GPC6: variants seen among roughly 807,000 people sequenced by gnomAD.
The protein encoded by GPC6 is glypican 6, also known as glypican-6.
GPC6 carries 14 observed loss-of-function variants against 55.2 expected under a neutral mutation model. That is an observed-to-expected ratio of 0.25 (90% CI 0.17 to 0.40). The LOEUF is 0.40. GPC6 is among the 10% of genes least tolerant of loss of function. GPC6 has a pLI of 1.00. For missense variants in GPC6, 641 were observed against 708.5 expected, an observed-to-expected ratio of 0.90 and a Z score of 1.08; for synonymous variants, 278 against 259.6, an observed-to-expected ratio of 1.07 and a Z score of -0.68.
chr13:93,718,836 AG>A (rs1321588264), intron 2 of GPC6, among the ~76,000 whole-genome samples: 1 of 151,672 alleles, frequency 6.6e-6, no homozygotes, highest in African/African-American at 2.4e-5. Flanking sequence ...TTTATTAAAT[AG>A]GGAATCCTTT....
chr13:93,728,810 C>T (rs913987262), intron 2 of GPC6, among the ~76,000 whole-genome samples: 1 of 151,984 alleles, frequency 6.6e-6, no homozygotes, highest in African/African-American at 2.4e-5. Flanking sequence ...CAGGTGTATC[C>T]GCCTACCTCG....
intron 3 of GPC6, among the ~76,000 whole-genome samples, chr13:93,859,952 T>C (rs531589191): frequency 9.9e-5 from 15 of 151,818 alleles, no homozygotes; most frequent in Non-Finnish European, 1.6e-4. Flanking sequence ...TCAGCCACAA[T>C]ACTGGGACCT....
At chr13:93,985,203 G>A (rs892327170) in intron 3 of GPC6, among the ~76,000 whole-genome samples, 2 of 152,122 alleles carry the variant, frequency 1.3e-5, no homozygotes, top group Non-Finnish European at 2.9e-5. Context: ...GGGAGGCCGA[G>A]GTGACTGGAT....
intron 2 of GPC6, among the ~76,000 whole-genome samples, chr13:93,603,917 A>T (rs1452012749): frequency 6.6e-6 from 1 of 152,246 alleles, no homozygotes; most frequent in Non-Finnish European, 1.5e-5. Context: ...CCAAAGTGAT[A>T]ACAAAAATCA....
intron 3 of GPC6, among the ~76,000 whole-genome samples, chr13:93,964,007 C>G (rs1440515805): frequency 6.6e-6 from 1 of 152,172 alleles, no homozygotes; most frequent in Non-Finnish European, 1.5e-5. Context: ...ACTCACTTTG[C>G]AATCGAGATG....
intron 1 of GPC6, among the ~76,000 whole-genome samples, chr13:93,453,630 C>T (rs1489219393): frequency 5.9e-5 from 9 of 151,290 alleles, no homozygotes; most frequent in African/African-American, 1.2e-4. Context: ...TCTTCCTTTT[C>T]GTGGGTTCGC....
In GPC6 at chr13:93,290,388, T is replaced by A. The variant is rs561757543; in HGVS notation, c.160+62772T>A. Among the ~76,000 whole-genome samples the A allele has an allele frequency of 9.2e-5, 14 of 152,218 alleles. No homozygotes were observed. The East Asian group carries it at 2.7e-3, about 29-fold the overall frequency. ...AGTGATAATATGCACTATACAACTA[T>A]CCACCCTTACGTTCTTATTTTTCTT... On this transcript the variant is annotated intron_variant, in intron 1 of 8. Coordinates refer to ENST00000377047, the MANE Select transcript of GPC6 (RefSeq NM_005708.5).
chr13:93,549,322 A>T (rs970348474), intron 2 of GPC6, among the ~76,000 whole-genome samples: 3 of 152,212 alleles, frequency 2.0e-5, no homozygotes, highest in African/African-American at 7.2e-5. Flanking sequence ...TTTTGTGTTT[A>T]GTGATTAGCC....
At chr13:93,226,281 C>A (rs1875779009), upstream of GPC6, among the ~76,000 whole-genome samples, 1 of 151,976 alleles carries the variant, frequency 6.6e-6, no homozygotes, top group Non-Finnish European at 1.5e-5. Flanking sequence ...CATTAGAAAC[C>A]TAAGCATAAT....
At chr13:94,299,837 A>G (rs1242339922) in intron 5 of GPC6, among the ~76,000 whole-genome samples, 1 of 152,228 alleles carries the variant, frequency 6.6e-6, no homozygotes, top group Non-Finnish European at 1.5e-5. Context: ...CTGCACCTGG[A>G]CAAATATATG....
chr13:93,769,901 A>G (rs374975462), intron 2 of GPC6, among the ~76,000 whole-genome samples: 8 of 152,226 alleles, frequency 5.3e-5, no homozygotes, highest in African/African-American at 1.7e-4. Context: ...GACTCCAGAC[A>G]TACTGGGGCT....
chr13:93,505,037 G>A (rs1880656708), intron 1 of GPC6, among the ~76,000 whole-genome samples: 1 of 152,168 alleles, frequency 6.6e-6, no homozygotes, highest in African/African-American at 2.4e-5. Context: ...TTGTGTTGCT[G>A]TAGTTTATTT....
Position 94,404,137 on chromosome 13 carries a change from C to T in GPC6, c.*920C>T, listed in dbSNP as rs755415179. ...TTGACATTAACTAGACGTTTCTGCCCCTGTGCTCATTACCCTCCCAAAACA... is the reference window on the plus strand; with the variant it reads ...TTGACATTAACTAGACGTTTCTGCCTCTGTGCTCATTACCCTCCCAAAACA... On this transcript the variant is annotated 3_prime_UTR_variant, in exon 9 of 9. Transcript: ENST00000377047. 1 of 151,976 alleles carries T rather than the reference C, an allele frequency of 6.6e-6. No homozygotes were observed. The highest frequency in any genetic ancestry group is 1.5e-5 in the Non-Finnish European group (1 of 68,004). 9.4% of individuals were successfully genotyped at this position (151,976 alleles called of 1,614,324 possible). A position where few individuals can be genotyped will look rare whatever the true frequency, so the allele number is the denominator to read the frequency against.
chr13:93,816,759 A>G (rs551405387), intron 2 of GPC6, among the ~76,000 whole-genome samples: 3 of 152,264 alleles, frequency 2.0e-5, no homozygotes, highest in South Asian at 4.1e-4. Context: ...TCTTCAACCA[A>G]TTGTAAATCG....
chr13:93,817,595 A>G (rs1342560260), intron 2 of GPC6, among the ~76,000 whole-genome samples: 2 of 152,218 alleles, frequency 1.3e-5, no homozygotes, highest in Non-Finnish European at 2.9e-5. Flanking sequence ...GCAGTGGCTC[A>G]CGCCTGTAAT....
intron 1 of GPC6, among the ~76,000 whole-genome samples, chr13:93,253,827 G>A (rs1876865712): frequency 6.6e-6 from 1 of 151,902 alleles, no homozygotes; most frequent in African/African-American, 2.4e-5. Flanking sequence ...CTTAGGAAAT[G>A]GTATATAACT....
chr13:94,046,758 A>G (rs1240941001), intron 4 of GPC6, among the ~76,000 whole-genome samples: 1 of 152,048 alleles, frequency 6.6e-6, no homozygotes, highest in African/African-American at 2.4e-5. Flanking sequence ...TCAGTTTTCA[A>G]TGAGGTTACA....
At chr13:94,324,311 T>TAAAAAAAAA (rs76342753) in intron 6 of GPC6, among the ~76,000 whole-genome samples, 1 of 107,256 alleles carries the variant, frequency 9.3e-6, no homozygotes. Context: ...ATGAAAGCCT[T>TAAAAAAAAA]AAAAAAAAAA....
chr13:93,846,134 C>T (rs947301397), intron 3 of GPC6, among the ~76,000 whole-genome samples: 6 of 151,964 alleles, frequency 3.9e-5, no homozygotes, highest in African/African-American at 1.4e-4. Flanking sequence ...GACATTGAAG[C>T]CAAAATGTAC....
Sources: allele counts gnomAD v4.1 joint callset (sites outside exome capture counted in the v4.1 genomes callset), GRCh38; gene constraint gnomAD v4.1.1; transcripts MANE v1.5; gene names NCBI Gene and HGNC (gene_info 2026-07-23, HGNC 2026-07-21).